Variants in ARFGEF3 observed in about 807,000 individuals in gnomAD.
ARFGEF3 encodes the protein brefeldin A-inhibited guanine nucleotide-exchange protein 3.
In ARFGEF3, 96 loss-of-function variants were observed where a neutral mutation model predicts 221.7. The observed-to-expected ratio is 0.43, with a 90% confidence interval of 0.37 to 0.51. The LOEUF (loss-of-function observed/expected upper bound fraction) is 0.51. Ranked by LOEUF, ARFGEF3 falls within the 20% of genes least tolerant of loss-of-function variation. The pLI, the probability that ARFGEF3 is intolerant of heterozygous loss-of-function variation, is 0.00. For synonymous variants in ARFGEF3, 1,145 were observed against 1,126.8 expected, an observed-to-expected ratio of 1.02 and a Z score of -0.32; for missense variants, 2,410 against 2,789.9, an observed-to-expected ratio of 0.86 and a Z score of 3.07.
chr6:138,263,362 G>C lies in ARFGEF3; in HGVS notation c.1879G>C (p.Val627Leu). The C allele has an allele frequency of 6.2e-7, 1 of 1,614,040 alleles. No individual in the cohort carries two copies. Among genetic ancestry groups the C allele is most frequent in the Non-Finnish European group, 8.5e-7 (1 of 1,179,894 alleles). ...AAEKDSGRSD[V>L]SDIGSDNCSL... ...AGAAAAGGACTCGGGCAGGTCCGAC[G>C]TGTCAGACATTGGGTCGGACAACTG... The change falls in exon 12 of 34, where the codon GTG becomes CTG. Residue 627 changes from valine to leucine, a missense_variant. Coordinates refer to ENST00000251691, the MANE Select transcript of ARFGEF3 (RefSeq NM_020340.5).
intron 31 of ARFGEF3, among the ~76,000 whole-genome samples, chr6:138,327,597 A>G (rs924488683): frequency 6.6e-6 from 1 of 152,202 alleles, no homozygotes; most frequent in African/African-American, 2.4e-5. Context: ...CTGTGGCCCT[A>G]TCAGTAACCA....
chr6:138,208,082 G>C (rs930495080), intron 3 of ARFGEF3, among the ~76,000 whole-genome samples: 21 of 152,244 alleles, frequency 1.4e-4, no homozygotes, highest in Non-Finnish European at 1.5e-4. Flanking sequence ...AATTTGTTTT[G>C]ATCTGTCACT....
intron 4 of ARFGEF3, among the ~76,000 whole-genome samples, chr6:138,227,637 C>T (rs750221032): frequency 3.9e-5 from 6 of 152,136 alleles, no homozygotes; most frequent in African/African-American, 4.8e-5. Flanking sequence ...CCCCGCCCCC[C>T]GCCATGAAAC....
At chr6:138,252,420 A>G (rs1254692304) in intron 8 of ARFGEF3, among the ~76,000 whole-genome samples, 1 of 152,222 alleles carries the variant, frequency 6.6e-6, no homozygotes, top group Non-Finnish European at 1.5e-5. Context: ...ACTAATATCA[A>G]TGTCAGTGTA....
At chr6:138,321,912 T>TG (rs1490936956) in intron 29 of ARFGEF3, among the ~76,000 whole-genome samples, 2 of 152,124 alleles carry the variant, frequency 1.3e-5, no homozygotes, top group Non-Finnish European at 2.9e-5. Flanking sequence ...TCCACGTGGC[T>TG]GGGGAGGCCT....
intron 4 of ARFGEF3, 89 bp downstream of exon 4, chr6:138,210,130 T>G: frequency 7.4e-7 from 1 of 1,346,942 alleles, no homozygotes; most frequent in Non-Finnish European, 1.0e-6. Flanking sequence ...GCCTCTGCGT[T>G]GTGGTCATGC....
At chr6:138,236,091 C>G (rs951510888) in intron 5 of ARFGEF3, among the ~76,000 whole-genome samples, 5 of 152,228 alleles carry the variant, frequency 3.3e-5, no homozygotes, top group Admixed American at 2.6e-4. Flanking sequence ...TCCAGTTCCT[C>G]ATGCATGCAC....
At chr6:138,286,085 C>CAGTGTATGGATGTT in intron 15 of ARFGEF3, 32 bp downstream of exon 15, 3 of 1,140,620 alleles carry the variant, frequency 2.6e-6, no homozygotes, top group Non-Finnish European at 3.9e-6. Flanking sequence ...TTATGAACAT[C>CAGTGTATGGATGTT]CATACACTGC....
At chr6:138,309,033 A>T (rs1237815787) in intron 24 of ARFGEF3, among the ~76,000 whole-genome samples, 172 bp downstream of exon 24, 2 of 152,154 alleles carry the variant, frequency 1.3e-5, no homozygotes, top group African/African-American at 4.8e-5. Flanking sequence ...AAGAAGCTTG[A>T]ATTTTGTGTA....
Position 138,266,881 on chromosome 6 carries a change from A to G in ARFGEF3, c.2128+3270A>G, listed in dbSNP as rs117868577. Among the ~76,000 whole-genome samples the G allele has an allele frequency of 6.0e-3, 871 of 144,648 alleles. 6 individuals carry two copies. The highest frequency in any genetic ancestry group is 0.05 in the East Asian group (218 of 4,326). The allele number at this position is 144,648 out of a possible 152,430, so 94.9% of individuals were successfully genotyped here. On this transcript the variant is annotated intron_variant, in intron 12 of 33. Coordinates refer to ENST00000251691, the MANE Select transcript of ARFGEF3 (RefSeq NM_020340.5). ...AAAAAAAAAAGATGTGCAATAGTTC[A>G]TGAGCTAAGGGAGTTGTACATAAAG...
chr6:138,209,922 G>A lies in ARFGEF3; in HGVS notation c.232G>A (p.Glu78Lys). The part of the protein sequence containing the change: ...ALAGMQKLLS[E>K]ERFVSMETDS... ...TGCCTCTTTACAGAAGCTTCTGTCG[G>A]AAGAGAGGTTTGTATCCATGGAAAC... The change falls in exon 4 of 34, where the codon GAA (glutamate) becomes AAA (lysine). Residue 78 changes from glutamate to lysine, a missense_variant. Around this residue, in one of 5 missense-constraint regions of ARFGEF3, gnomAD observed 570 missense variants for 586.9 expected, o/e 0.97. Transcript: ENST00000251691. The A allele has an allele frequency of 6.2e-7, 1 of 1,613,720 alleles. No individual in the cohort carries two copies. Among genetic ancestry groups the A allele is most frequent in the Non-Finnish European group, 8.5e-7 (1 of 1,179,718 alleles).
At chr6:138,195,801 C>T (rs1777406200) in intron 2 of ARFGEF3, among the ~76,000 whole-genome samples, 1 of 152,054 alleles carries the variant, frequency 6.6e-6, no homozygotes, top group South Asian at 2.1e-4. Flanking sequence ...GAGCTTCTTA[C>T]GAAAACCTTA....
chr6:138,259,280 GT>G (rs904995903), intron 10 of ARFGEF3, among the ~76,000 whole-genome samples: 6 of 152,200 alleles, frequency 3.9e-5, no homozygotes, highest in Non-Finnish European at 7.3e-5. Context: ...TTATTTCCCT[GT>G]TCTCGTTTTA....
chr6:138,311,428 T>C lies in ARFGEF3; in HGVS notation c.4118T>C (p.Ile1373Thr), dbSNP rs1779827001. Residue 1373 changes from isoleucine to threonine, a missense_variant, in exon 25 of 34, where the codon ATT becomes ACT. Physicochemically the swap from Ile to Thr is moderately conservative, Grantham distance 89. Coordinates refer to ENST00000251691, the MANE Select transcript of ARFGEF3 (RefSeq NM_020340.5). ...KGLGEVDCKE[I>T]GDCAPAPGAP... Reference sequence around the variant, plus strand: ...CTAGGGGAGGTGGACTGTAAAGAGATTGGAGACTGTGCCCCAGCACCCGGA... The same window carrying C: ...CTAGGGGAGGTGGACTGTAAAGAGACTGGAGACTGTGCCCCAGCACCCGGA... 3 of 1,608,032 alleles carry C rather than the reference T, an allele frequency of 1.9e-6. No homozygotes were observed. The highest frequency in any genetic ancestry group is 1.3e-5 in the African/African-American group (1 of 74,806).
At chr6:138,290,260 T>C (rs1779379763) in intron 18 of ARFGEF3, among the ~76,000 whole-genome samples, 1 of 152,182 alleles carries the variant, frequency 6.6e-6, no homozygotes, top group African/African-American at 2.4e-5. Context: ...AATTAAATAA[T>C]TGATTGAGAT....
At chr6:138,190,793 A>G (rs1048214918) in intron 2 of ARFGEF3, among the ~76,000 whole-genome samples, 5 of 152,196 alleles carry the variant, frequency 3.3e-5, no homozygotes, top group African/African-American at 1.2e-4. Flanking sequence ...AAACTGGAAG[A>G]TTAAACCTTT....
chr6:138,286,892 G>A lies in ARFGEF3; in HGVS notation c.2761G>A (p.Ala921Thr). The A allele has an allele frequency of 6.2e-7, 1 of 1,613,242 alleles. No individual in the cohort carries two copies. Among genetic ancestry groups the A allele is most frequent in the East Asian group, 2.2e-5 (1 of 44,882 alleles). Residue 921 changes from alanine to threonine, a missense_variant, in exon 16 of 34, where the codon GCC becomes ACC. Ala to Thr is a moderately conservative substitution (Grantham distance 58). Transcript: ENST00000251691. ...CATGAGCCTCGACGGGCTGCGGAAA[G>A]CCGCACGGCTGAGCTGCGCTCTAGG... ...ICMSLDGLRKAARLSCALGVA... is the reference protein window; with the variant it reads ...ICMSLDGLRKTARLSCALGVA...
At chr6:138,335,942 G>A (rs968631193) in intron 33 of ARFGEF3, among the ~76,000 whole-genome samples, 4 of 152,154 alleles carry the variant, frequency 2.6e-5, no homozygotes, top group African/African-American at 9.7e-5. Context: ...ATTCTATGGT[G>A]CATCAAAAAA....
Position 138,337,242 on chromosome 6 carries a change from A to C in ARFGEF3, c.*756A>C, listed in dbSNP as rs1780344022. The C allele has an allele frequency of 6.6e-6, 1 of 152,632 alleles. No individual in the cohort carries two copies. The highest frequency in any genetic ancestry group is 1.5e-5 in the Non-Finnish European group (1 of 68,044). 9.5% of individuals were successfully genotyped at this position (152,632 alleles called of 1,614,324 possible). A position where few individuals can be genotyped will look rare whatever the true frequency, so the allele number is the denominator to read the frequency against. ...CCCAGTGAAAGTGGCTGGTACGTAGATTGTCAAGAGACATAAGACCGACCA... is the reference window on the plus strand; with the variant it reads ...CCCAGTGAAAGTGGCTGGTACGTAGCTTGTCAAGAGACATAAGACCGACCA... On this transcript the variant is annotated 3_prime_UTR_variant, in exon 34 of 34. Transcript: ENST00000251691.
Sources: allele counts gnomAD v4.1 joint callset (sites outside exome capture counted in the v4.1 genomes callset), GRCh38; gene constraint gnomAD v4.1.1; regional missense constraint gnomAD v4.1.1; transcripts MANE v1.5; gene names NCBI Gene and HGNC (gene_info 2026-07-23, HGNC 2026-07-21).